Variants in WDPCP observed in about 807,000 individuals in gnomAD.
WDPCP encodes WD repeat containing planar cell polarity effector.
Under a neutral mutation model 93.1 loss-of-function variants are expected in WDPCP, and 71 were observed. The ratio of observed to expected loss-of-function variants is 0.76; its 90% CI spans 0.63 to 0.93. The LOEUF (loss-of-function observed/expected upper bound fraction) is 0.93, where lower values mean the gene tolerates loss of function less well. Among genes scored for constraint, WDPCP ranks in the 40% least tolerant of loss-of-function variants. The pLI is 0.00. For missense variants in WDPCP, 844 were observed against 887.4 expected (o/e 0.95, Z 0.62); for synonymous variants, 315 against 315.0 (o/e 1.00, Z 0.00).
intron 2 of WDPCP, among the ~76,000 whole-genome samples, chr2:63,730,222 A>G (rs922723672): frequency 4.7e-5 from 7 of 150,526 alleles, no homozygotes; most frequent in Admixed American, 2.6e-4. Flanking sequence ...TTTTTTTTAC[A>G]TGAGGAATTT....
At chr2:63,692,254 T>C (rs1426805165) in intron 2 of WDPCP, among the ~76,000 whole-genome samples, 1 of 152,208 alleles carries the variant, frequency 6.6e-6, no homozygotes, top group East Asian at 1.9e-4. Flanking sequence ...TTAAAACTGA[T>C]GTATGTGTAA....
intron 6 of WDPCP, among the ~76,000 whole-genome samples, chr2:63,458,082 C>G (rs945390570): frequency 6.6e-6 from 1 of 150,804 alleles, no homozygotes; most frequent in Non-Finnish European, 1.5e-5. Flanking sequence ...CGAGATCGCA[C>G]CACCACACTC....
At chr2:63,239,236 C>T (rs189822073) in intron 14 of WDPCP, among the ~76,000 whole-genome samples, 219 of 152,094 alleles carry the variant, frequency 1.4e-3, no homozygotes, top group African/African-American at 5.1e-3. Context: ...TTTTTTGAGA[C>T]GGAGTCTCGC....
At chr2:63,534,326 T>C (rs1310794228) in intron 1 of WDPCP, among the ~76,000 whole-genome samples, 1 of 152,026 alleles carries the variant, frequency 6.6e-6, no homozygotes, top group Non-Finnish European at 1.5e-5. Context: ...TTCCAATCAA[T>C]AGAAAAAGAG....
chr2:63,293,263 C>T (rs1283733633), intron 13 of WDPCP, among the ~76,000 whole-genome samples: 1 of 152,130 alleles, frequency 6.6e-6, no homozygotes, highest in Non-Finnish European at 1.5e-5. Flanking sequence ...AGAAAGTTAC[C>T]ACACATTCCA....
chr2:63,590,346 A>G (rs1709163829), upstream of WDPCP: 1 of 151,892 alleles, frequency 6.6e-6, no homozygotes, highest in African/African-American at 2.4e-5. Context: ...CACTCTTGCC[A>G]TTTTTCTATA....
At chr2:63,194,599 G>C (rs913070190) in intron 14 of WDPCP, among the ~76,000 whole-genome samples, 1 of 152,026 alleles carries the variant, frequency 6.6e-6, no homozygotes, top group African/African-American at 2.4e-5. Flanking sequence ...TCTCATCTTA[G>C]AAATCTTTGA....
intron 9 of WDPCP, among the ~76,000 whole-genome samples, chr2:63,416,128 G>A (rs1695395961): frequency 6.6e-6 from 1 of 151,600 alleles, no homozygotes; most frequent in Non-Finnish European, 1.5e-5. Flanking sequence ...TGCTAGTTTT[G>A]CATCTGTTTA....
chr2:63,598,896 C>CAAAAAAAAA (rs1333463606), intron 3 of WDPCP, among the ~76,000 whole-genome samples: 1 of 72,230 alleles, frequency 1.4e-5, no homozygotes, highest in African/African-American at 4.8e-5. Context: ...AAAGAGGTAC[C>CAAAAAAAAA]AAAAAAAAAA....
chr2:63,187,887 A>C (rs1237896914), intron 14 of WDPCP, among the ~76,000 whole-genome samples: 3 of 152,204 alleles, frequency 2.0e-5, no homozygotes, highest in East Asian at 3.8e-4. Flanking sequence ...TTTATTGTCT[A>C]GTAACATTGA....
chr2:63,170,813 G>A (rs1673329701), intron 15 of WDPCP, among the ~76,000 whole-genome samples: 1 of 152,022 alleles, frequency 6.6e-6, no homozygotes, highest in Non-Finnish European at 1.5e-5. Flanking sequence ...AGTTCAGTGG[G>A]GTCCTCAGTA....
chr2:63,623,215 A>G (rs1009790720), intron 3 of WDPCP, among the ~76,000 whole-genome samples: 1 of 152,174 alleles, frequency 6.6e-6, no homozygotes, highest in South Asian at 2.1e-4. Flanking sequence ...AAAAACTGGT[A>G]CCTGCCACTG....
chr2:63,754,021 C>A (rs150227542), intron 2 of WDPCP, among the ~76,000 whole-genome samples: 1 of 152,302 alleles, frequency 6.6e-6, no homozygotes, highest in East Asian at 1.9e-4. Flanking sequence ...AGCTGCCAAG[C>A]AAGGATCTGG....
chr2:63,706,793 T>C (rs2103733179), intron 2 of WDPCP, among the ~76,000 whole-genome samples: 2 of 151,736 alleles, frequency 1.3e-5, no homozygotes, highest in Non-Finnish European at 2.9e-5. Context: ...ATTTTTTGTA[T>C]TTTTAGTAGA....
intron 12 of WDPCP, among the ~76,000 whole-genome samples, chr2:63,367,353 T>C (rs1690998845): frequency 1.3e-5 from 2 of 152,024 alleles, no homozygotes; most frequent in Admixed American, 1.3e-4. Flanking sequence ...CACAAAAAAA[T>C]AGTGACAGGA....
intron 12 of WDPCP, among the ~76,000 whole-genome samples, chr2:63,342,565 T>C (rs1688919509): frequency 6.6e-6 from 1 of 152,158 alleles, no homozygotes; most frequent in African/African-American, 2.4e-5. Context: ...GGATTATAAT[T>C]AATGTACTAA....
chr2:63,799,095 C>T (rs955440607), intron 2 of WDPCP, among the ~76,000 whole-genome samples: 10 of 152,168 alleles, frequency 6.6e-5, no homozygotes, highest in African/African-American at 2.4e-4. Context: ...GAATGTTTCA[C>T]ACTTTAGAGT....
chr2:63,471,212 T>G (rs1699670053), intron 6 of WDPCP, among the ~76,000 whole-genome samples: 1 of 152,232 alleles, frequency 6.6e-6, no homozygotes, highest in African/African-American at 2.4e-5. Flanking sequence ...CCCCAGCACA[T>G]AGAATACTAT....
At chr2:63,406,694 A>G (rs1369117937) in intron 9 of WDPCP, among the ~76,000 whole-genome samples, 1 of 152,198 alleles carries the variant, frequency 6.6e-6, no homozygotes, top group African/African-American at 2.4e-5. Context: ...TAGAAGTATG[A>G]CTGGACAAAA....
Sources: gnomAD v4.1 joint callset for allele counts (sites outside exome capture counted in the v4.1 genomes callset) on GRCh38, gnomAD v4.1.1 for gene constraint, MANE v1.5 for transcripts, NCBI Gene and HGNC (gene_info 2026-07-23, HGNC 2026-07-21) for gene names.